Variants in LINGO2 observed in about 807,000 individuals in gnomAD.
LINGO2 encodes leucine rich repeat and Ig domain containing 2.
LINGO2 carries 14 observed loss-of-function variants against 30.6 expected under a neutral mutation model. That is an observed-to-expected ratio of 0.46 (90% CI 0.30 to 0.72). The LOEUF (loss-of-function observed/expected upper bound fraction) is 0.72. LINGO2 is among the 30% of genes least tolerant of loss of function. LINGO2 has a pLI of 0.07. For synonymous variants in LINGO2, 317 were observed against 288.5 expected, an observed-to-expected ratio of 1.10 and a Z score of -1.00; for missense variants, 729 against 751.7, an observed-to-expected ratio of 0.97 and a Z score of 0.35.
the LINGO2 span, among the ~76,000 whole-genome samples, chr9:28,955,140 G>A: frequency 2.6e-5 from 4 of 151,496 alleles, no homozygotes; most frequent in African/African-American, 9.7e-5. Flanking sequence ...GTGAAAGGAG[G>A]GAGACAAAAA....
At chr9:28,480,482 GT>G (rs1042655122) in intron 1 of LINGO2, among the ~76,000 whole-genome samples, 1 of 151,966 alleles carries the variant, frequency 6.6e-6, no homozygotes, top group Non-Finnish European at 1.5e-5. Context: ...AATGACAATT[GT>G]TTAGGTAAAT....
chr9:28,790,765 G>A, the LINGO2 span, among the ~76,000 whole-genome samples: 1 of 152,032 alleles, frequency 6.6e-6, no homozygotes, highest in African/African-American at 2.4e-5. Context: ...TAGTTTATCA[G>A]TTATTGTTAA....
At chr9:28,061,891 G>C (rs950116367) in intron 4 of LINGO2, among the ~76,000 whole-genome samples, 1 of 152,044 alleles carries the variant, frequency 6.6e-6, no homozygotes, top group African/African-American at 2.4e-5. Context: ...CTTATGAATA[G>C]TGTTATAAGA....
At chr9:28,034,844 C>T (rs140132074) in intron 4 of LINGO2, among the ~76,000 whole-genome samples, 45 of 152,278 alleles carry the variant, frequency 3.0e-4, no homozygotes, top group African/African-American at 1.0e-3. Flanking sequence ...ACTTGTTTGA[C>T]CTCAGTCTTC....
chr9:29,083,067 G>A, the LINGO2 span, among the ~76,000 whole-genome samples: 29,996 of 152,014 alleles, frequency 0.2, 3,102 homozygotes, highest in African/African-American at 0.24. Context: ...ATTTGACCCA[G>A]CCATCCCATT....
chr9:28,017,723 T>G (rs1279813841), intron 4 of LINGO2, among the ~76,000 whole-genome samples: 22 of 152,044 alleles, frequency 1.4e-4, no homozygotes, highest in Admixed American at 1.4e-3. Flanking sequence ...TGACACAAAT[T>G]GGAAAACATT....
the LINGO2 span, among the ~76,000 whole-genome samples, chr9:29,026,856 C>G: frequency 2.0e-5 from 3 of 152,178 alleles, no homozygotes; most frequent in East Asian, 5.8e-4. Flanking sequence ...ATTCCTCATT[C>G]TATAATAAAT....
intron 2 of LINGO2, among the ~76,000 whole-genome samples, chr9:28,411,616 C>G (rs1822766672): frequency 6.6e-6 from 1 of 152,012 alleles, no homozygotes; most frequent in Non-Finnish European, 1.5e-5. Flanking sequence ...TTTTTGTAGC[C>G]AAATAATATC....
At chr9:29,025,163 G>GA in the LINGO2 span, among the ~76,000 whole-genome samples, 730 of 143,580 alleles carry the variant, frequency 5.1e-3, 6 homozygotes, top group Non-Finnish European at 4.6e-3. Flanking sequence ...GAAAAAAACA[G>GA]AAAAAAAAAA....
chr9:28,149,920 T>C (rs1827945923), intron 4 of LINGO2, among the ~76,000 whole-genome samples: 1 of 150,632 alleles, frequency 6.6e-6, no homozygotes, highest in Non-Finnish European at 1.5e-5. Context: ...CGCCGTCCTG[T>C]CTGCGAAGTG....
chr9:28,084,934 C>A (rs1021072504), intron 4 of LINGO2, among the ~76,000 whole-genome samples: 1 of 152,122 alleles, frequency 6.6e-6, no homozygotes, highest in Admixed American at 6.6e-5. Flanking sequence ...CAGGAGCTGG[C>A]ACATTGGCCT....
intron 4 of LINGO2, among the ~76,000 whole-genome samples, chr9:28,196,219 T>C (rs1820003661): frequency 6.6e-6 from 1 of 151,642 alleles, no homozygotes; most frequent in Non-Finnish European, 1.5e-5. Context: ...AAAGAAAGAA[T>C]GTCTTTTATC....
chr9:28,102,945 A>G (rs557119432), intron 4 of LINGO2, among the ~76,000 whole-genome samples: 1 of 152,284 alleles, frequency 6.6e-6, no homozygotes, highest in South Asian at 2.1e-4. Flanking sequence ...ATTATTCTGA[A>G]TATTTCTGCT....
At chr9:28,858,711 A>G in the LINGO2 span, among the ~76,000 whole-genome samples, 12 of 152,190 alleles carry the variant, frequency 7.9e-5, no homozygotes, top group South Asian at 2.3e-3. Flanking sequence ...ATATCTGTTT[A>G]GAGAAAACTT....
intron 5 of LINGO2, among the ~76,000 whole-genome samples, chr9:27,995,053 A>C (rs1035284853): frequency 6.6e-6 from 1 of 152,220 alleles, no homozygotes; most frequent in East Asian, 1.9e-4. Flanking sequence ...AAGACAAAAA[A>C]GGAGACCTTA....
At chr9:29,127,706 T>C in the LINGO2 span, among the ~76,000 whole-genome samples, 1 of 152,098 alleles carries the variant, frequency 6.6e-6, no homozygotes, top group Non-Finnish European at 1.5e-5. Context: ...TCTCTGGCAT[T>C]ACCTGAAGGC....
intron 4 of LINGO2, among the ~76,000 whole-genome samples, chr9:28,276,753 A>G (rs1205050366): frequency 6.6e-6 from 1 of 152,196 alleles, no homozygotes; most frequent in East Asian, 1.9e-4. Context: ...AAAACTGGGC[A>G]ATATTCCTGA....
At chr9:28,862,211 T>C in the LINGO2 span, among the ~76,000 whole-genome samples, 3 of 152,082 alleles carry the variant, frequency 2.0e-5, no homozygotes, top group South Asian at 4.1e-4. Flanking sequence ...CCCAGAGCTC[T>C]GTGGATTTTG....
intron 5 of LINGO2, among the ~76,000 whole-genome samples, chr9:28,003,837 C>A (rs1822115801): frequency 1.3e-5 from 2 of 152,062 alleles, no homozygotes; most frequent in Non-Finnish European, 2.9e-5. Flanking sequence ...TTTCCAGGAA[C>A]CTAACAACAT....
Sources: allele counts gnomAD v4.1 joint callset (sites outside exome capture counted in the v4.1 genomes callset), GRCh38; gene constraint gnomAD v4.1.1; transcripts MANE v1.5; gene names NCBI Gene and HGNC (gene_info 2026-07-23, HGNC 2026-07-21).